The following MEIS1 variants were observed in gnomAD, a reference collection of about 807,000 sequenced individuals.
MEIS1 encodes Meis homeobox 1.
A neutral mutation model predicts 50.8 loss-of-function variants in MEIS1; 5 were observed. The ratio of observed to expected loss-of-function variants is 0.10; its 90% CI spans 0.05 to 0.21. MEIS1 has a LOEUF of 0.21. Among genes scored for constraint, MEIS1 ranks in the 10% least tolerant of loss-of-function variants. The pLI is 1.00. For synonymous variants in MEIS1, 176 were observed against 179.3 expected, an observed-to-expected ratio of 0.98 and a Z score of 0.15; for missense variants, 318 against 517.3, an observed-to-expected ratio of 0.61 and a Z score of 3.74.
chr2:66,439,392 CGAGCCTGGGCTTCGCGCGG>C, intron 2 of MEIS1: 1 of 1,262,876 alleles, frequency 7.9e-7, no homozygotes, highest in South Asian at 3.0e-5. Context: ...CGAGATCCCC[CGAGCCTGGGCTTCGCGCGG>C]CCGCCTAGGA....
At chr2:66,506,236 G>T (rs1335719932) in intron 7 of MEIS1, among the ~76,000 whole-genome samples, 1 of 152,204 alleles carries the variant, frequency 6.6e-6, no homozygotes, top group African/African-American at 2.4e-5. Context: ...CACCTGGTTG[G>T]TGGGTGGGAT....
At chr2:66,471,638 A>C (rs1672762962) in intron 7 of MEIS1, among the ~76,000 whole-genome samples, 3 of 152,246 alleles carry the variant, frequency 2.0e-5, no homozygotes, top group Admixed American at 2.0e-4. Context: ...GTAGTAAGGA[A>C]GTATATGAAT....
At chr2:66,564,660 G>C (rs1675295529) in intron 9 of MEIS1, among the ~76,000 whole-genome samples, 1 of 151,956 alleles carries the variant, frequency 6.6e-6, no homozygotes, top group African/African-American at 2.4e-5. Flanking sequence ...AATTAGAATT[G>C]CTTACAGTAC....
intron 8 of MEIS1, among the ~76,000 whole-genome samples, chr2:66,528,317 G>A (rs1350169001): frequency 6.6e-6 from 1 of 152,132 alleles, no homozygotes; most frequent in African/African-American, 2.4e-5. Context: ...CAAATACAGA[G>A]GTGGCATGAA....
At chr2:66,509,611 T>C (rs900102432) in intron 7 of MEIS1, among the ~76,000 whole-genome samples, 2 of 152,224 alleles carry the variant, frequency 1.3e-5, no homozygotes, top group African/African-American at 4.8e-5. Context: ...CTCCATTGTA[T>C]CTACATAAGT....
intron 6 of MEIS1, among the ~76,000 whole-genome samples, chr2:66,453,709 G>T (rs1672326606): frequency 6.6e-6 from 1 of 151,912 alleles, no homozygotes; most frequent in Non-Finnish European, 1.5e-5. Context: ...GAAATTAGAA[G>T]ATACCCTATT....
chr2:66,441,167 G>T (rs1462065884), intron 4 of MEIS1, among the ~76,000 whole-genome samples: 1 of 152,178 alleles, frequency 6.6e-6, no homozygotes, highest in Non-Finnish European at 1.5e-5. Context: ...GGAGAGCCAT[G>T]GGGGAGGAGA....
chr2:66,522,389 G>A (rs905964249), intron 8 of MEIS1, among the ~76,000 whole-genome samples: 1 of 152,186 alleles, frequency 6.6e-6, no homozygotes, highest in Non-Finnish European at 1.5e-5. Flanking sequence ...TAGCCATTTG[G>A]TTATGGTTCT....
intron 8 of MEIS1, among the ~76,000 whole-genome samples, chr2:66,531,685 C>T (rs184348159): frequency 3.0e-4 from 46 of 152,234 alleles, no homozygotes; most frequent in Admixed American, 1.4e-3. Flanking sequence ...CTGACATTGC[C>T]GAAGGAATGA....
At chr2:66,556,914 C>A (rs114360265) in intron 9 of MEIS1, among the ~76,000 whole-genome samples, 4 of 11,844 alleles carry the variant, frequency 3.4e-4, no homozygotes, top group Non-Finnish European at 5.8e-4. Flanking sequence ...GGACTTGGGG[C>A]GGGGTGGGAG....
chr2:66,446,625 G>A (rs1488914337), intron 6 of MEIS1, among the ~76,000 whole-genome samples: 1 of 152,232 alleles, frequency 6.6e-6, no homozygotes, highest in African/African-American at 2.4e-5. Context: ...AGCAGCTCCT[G>A]GGCGAAGGCT....
At chr2:66,561,536 GCA>G (rs1269389247) in intron 9 of MEIS1, among the ~76,000 whole-genome samples, 9 of 152,206 alleles carry the variant, frequency 5.9e-5, no homozygotes, top group South Asian at 4.1e-4. Flanking sequence ...ATTTAAGAAT[GCA>G]CAGTGTTAAT....
chr2:66,453,743 G>A (rs757336714), intron 6 of MEIS1, among the ~76,000 whole-genome samples: 7 of 151,860 alleles, frequency 4.6e-5, no homozygotes, highest in Non-Finnish European at 7.4e-5. Context: ...GGAAATCAGC[G>A]GTAAATATAA....
intron 6 of MEIS1, 69 bp from the exon 7 acceptor site, chr2:66,464,040 G>A (rs1672580390): frequency 4.4e-6 from 5 of 1,134,100 alleles, no homozygotes; most frequent in African/African-American, 1.5e-5. Flanking sequence ...TTGTCATTAT[G>A]CCATGGGATC....
intron 8 of MEIS1, among the ~76,000 whole-genome samples, chr2:66,527,325 TC>T (rs1265597254): frequency 6.6e-6 from 1 of 152,148 alleles, no homozygotes; most frequent in Non-Finnish European, 1.5e-5. Flanking sequence ...AATTTCAACT[TC>T]CTGGAGCTTA....
In MEIS1 at chr2:66,571,357, G is replaced by A. The variant is rs548020669; in HGVS notation, c.*149G>A. On this transcript the variant is annotated 3_prime_UTR_variant, in exon 13 of 13. Transcript: ENST00000272369. Reference sequence around the variant, plus strand: ...ATGCCCCCCCATCCTGCTCAGCTGCGTCATGGGCCCCCCATGCATACGTAC... The same window carrying A: ...ATGCCCCCCCATCCTGCTCAGCTGCATCATGGGCCCCCCATGCATACGTAC... 263 of 1,601,350 alleles carry A rather than the reference G, an allele frequency of 1.6e-4. 1 individual carries two copies. The highest frequency in any genetic ancestry group is 3.3e-4 in the Admixed American group (19 of 57,574).
At chr2:66,435,914 TG>T (rs1306230254) in intron 1 of MEIS1, 46 bp downstream of exon 1, 3 of 1,528,012 alleles carry the variant, frequency 2.0e-6, no homozygotes, top group Non-Finnish European at 1.8e-6. Flanking sequence ...GAGATTAAAT[TG>T]AAACGTGGCC....
intron 8 of MEIS1, 95 bp downstream of exon 8, chr2:66,512,389 G>A: frequency 7.5e-7 from 1 of 1,337,378 alleles, no homozygotes; most frequent in East Asian, 2.8e-5. Flanking sequence ...CTCTGGACTT[G>A]AAATATTTAA....
intron 7 of MEIS1, among the ~76,000 whole-genome samples, chr2:66,507,740 C>T (rs1673718838): frequency 6.6e-6 from 1 of 152,158 alleles, no homozygotes; most frequent in Non-Finnish European, 1.5e-5. Context: ...CAGTCTGACC[C>T]ATTGAATGGC....
Sources: gnomAD v4.1 joint callset for allele counts (sites outside exome capture counted in the v4.1 genomes callset) on GRCh38, gnomAD v4.1.1 for gene constraint, MANE v1.5 for transcripts, NCBI Gene and HGNC (gene_info 2026-07-23, HGNC 2026-07-21) for gene names.